GALNT13: variants seen among roughly 807,000 people sequenced by gnomAD.
The protein encoded by GALNT13 is polypeptide N-acetylgalactosaminyltransferase 13.
Under a neutral mutation model 64.2 loss-of-function variants are expected in GALNT13, and 28 were observed. The ratio of observed to expected loss-of-function variants is 0.44; its 90% CI spans 0.32 to 0.60. GALNT13 has a LOEUF of 0.60. Ranked by LOEUF, GALNT13 falls within the 20% of genes least tolerant of loss-of-function variation. The pLI is 0.05. For synonymous variants in GALNT13, 214 were observed against 224.6 expected (o/e 0.95, Z 0.42); for missense variants, 577 against 669.8 (o/e 0.86, Z 1.53).
chr2:154,148,478 C>A lies in GALNT13; in HGVS notation c.311+7973C>A, dbSNP rs528211506. On this transcript the variant is annotated intron_variant, in intron 4 of 12. Coordinates refer to ENST00000392825, the MANE Select transcript of GALNT13 (RefSeq NM_052917.4). ...GCTGAGTCAAATGGTATTTCTAGTT[C>A]TAGATCCCTGAGGAATCACCACACT... is the stretch of plus-strand genomic sequence containing the variant. Among the ~76,000 whole-genome samples, 5 of 152,246 alleles carry A rather than the reference C, an allele frequency of 3.3e-5. No individual in the cohort carries two copies. The East Asian group carries it at 9.7e-4, about 29-fold the overall frequency.
intron 9 of GALNT13, among the ~76,000 whole-genome samples, chr2:154,370,176 A>G (rs1230288984): frequency 6.6e-6 from 1 of 152,098 alleles, no homozygotes; most frequent in Non-Finnish European, 1.5e-5. Flanking sequence ...TGAAGATAAT[A>G]AGGCATAATT....
chr2:153,118,210 G>A, the GALNT13 span, among the ~76,000 whole-genome samples: 4 of 150,866 alleles, frequency 2.7e-5, no homozygotes, highest in Admixed American at 6.6e-5. Flanking sequence ...TTTACCTGGT[G>A]CACAAAGGCA....
the GALNT13 span, among the ~76,000 whole-genome samples, chr2:153,088,090 G>A: frequency 6.6e-6 from 1 of 151,800 alleles, no homozygotes; most frequent in South Asian, 2.1e-4. Context: ...CAGACTTTTT[G>A]TGTAGGCATT....
At chr2:153,682,660 A>G in the GALNT13 span, among the ~76,000 whole-genome samples, 1 of 151,796 alleles carries the variant, frequency 6.6e-6, no homozygotes, top group Non-Finnish European at 1.5e-5. Context: ...ACATGAATAG[A>G]TAGTGTAGCA....
chr2:153,751,839 AT>A, the GALNT13 span, among the ~76,000 whole-genome samples: 1 of 151,426 alleles, frequency 6.6e-6, no homozygotes, highest in Non-Finnish European at 1.5e-5. Context: ...CAATGTTATT[AT>A]TTATATGTAA....
At chr2:153,612,031 T>C in the GALNT13 span, among the ~76,000 whole-genome samples, 1 of 152,118 alleles carries the variant, frequency 6.6e-6, no homozygotes, top group South Asian at 2.1e-4. Flanking sequence ...GCAAAGGACA[T>C]GAACTCATCC....
chr2:153,672,883 C>T, the GALNT13 span, among the ~76,000 whole-genome samples: 1 of 151,542 alleles, frequency 6.6e-6, no homozygotes, highest in African/African-American at 2.4e-5. Flanking sequence ...GATATCACTA[C>T]TGATCCCACA....
At chr2:154,356,903 A>G (rs1373984184) in intron 9 of GALNT13, among the ~76,000 whole-genome samples, 2 of 152,018 alleles carry the variant, frequency 1.3e-5, no homozygotes, top group Non-Finnish European at 2.9e-5. Context: ...ACTAGACTAG[A>G]TACCATAGGT....
the GALNT13 span, among the ~76,000 whole-genome samples, chr2:153,630,844 G>A: frequency 2.0e-5 from 2 of 101,084 alleles, no homozygotes; most frequent in Non-Finnish European, 3.7e-5. Context: ...TAAGTTCTAG[G>A]GTACATGTGC....
At chr2:153,611,628 C>T in the GALNT13 span, among the ~76,000 whole-genome samples, 1 of 145,998 alleles carries the variant, frequency 6.8e-6, no homozygotes, top group South Asian at 2.3e-4. Context: ...TCCCAAAGTG[C>T]TGGGATTACA....
intron 3 of GALNT13, among the ~76,000 whole-genome samples, chr2:154,106,231 T>G (rs1417841801): frequency 1.3e-5 from 2 of 152,196 alleles, no homozygotes; most frequent in Non-Finnish European, 2.9e-5. Context: ...CATGCTTTTG[T>G]TGGTATATTT....
chr2:153,079,808 G>A, the GALNT13 span, among the ~76,000 whole-genome samples: 4 of 152,322 alleles, frequency 2.6e-5, no homozygotes, highest in South Asian at 2.1e-4. Context: ...AAGTAGTTGC[G>A]TTATTGGCTC....
At chr2:153,819,799 ACTCC>A in the GALNT13 span, among the ~76,000 whole-genome samples, 1 of 152,004 alleles carries the variant, frequency 6.6e-6, no homozygotes, top group Non-Finnish European at 1.5e-5. Context: ...TGCCCAACAC[ACTCC>A]TCTCCAGATG....
chr2:153,497,522 A>ATTTT, the GALNT13 span, among the ~76,000 whole-genome samples: 1,641 of 36,814 alleles, frequency 0.045, 554 homozygotes, highest in African/African-American at 0.05. Context: ...TTTCTCCCGC[A>ATTTT]TTTTTTTTTT....
At chr2:154,148,090 A>T (rs79681434) in intron 4 of GALNT13, among the ~76,000 whole-genome samples, 11,825 of 151,324 alleles carry the variant, frequency 0.078, 1,351 homozygotes, top group East Asian at 0.6. Flanking sequence ...CCCTCCCCAC[A>T]ACAGTCCCCA....
the GALNT13 span, among the ~76,000 whole-genome samples, chr2:153,435,878 G>A: frequency 6.6e-6 from 1 of 151,930 alleles, no homozygotes; most frequent in Admixed American, 6.6e-5. Flanking sequence ...AATAGGAGTG[G>A]TGAGAGAGGG....
intron 3 of GALNT13, 97 bp from the exon 4 acceptor site, chr2:154,140,240 T>C: frequency 1.2e-6 from 1 of 860,772 alleles, no homozygotes; most frequent in Non-Finnish European, 1.8e-6. Flanking sequence ...TGTATGTAAA[T>C]AATATGCTTC....
chr2:154,172,410 T>C (rs979789969), intron 4 of GALNT13, among the ~76,000 whole-genome samples: 11 of 152,000 alleles, frequency 7.2e-5, no homozygotes, highest in Non-Finnish European at 2.9e-5. Context: ...CATACTGCTT[T>C]TTGGACCCAT....
the GALNT13 span, among the ~76,000 whole-genome samples, chr2:153,806,818 G>C: frequency 4.6e-5 from 7 of 152,166 alleles, no homozygotes; most frequent in Middle Eastern, 3.4e-3. Context: ...GAAAGGAATA[G>C]AAGGGAACCT....
Sources: allele counts gnomAD v4.1 joint callset (sites outside exome capture counted in the v4.1 genomes callset), GRCh38; gene constraint gnomAD v4.1.1; transcripts MANE v1.5; gene names NCBI Gene and HGNC (gene_info 2026-07-23, HGNC 2026-07-21).